Variants in OSBPL6 observed in about 807,000 individuals in gnomAD.
OSBPL6 encodes oxysterol-binding protein-related protein 6.
Under a neutral mutation model 125.8 loss-of-function variants are expected in OSBPL6, and 49 were observed. The observed-to-expected ratio is 0.39, with a 90% confidence interval of 0.31 to 0.49. The LOEUF is 0.49. OSBPL6 is among the 20% of genes least tolerant of loss of function. The pLI, the probability that OSBPL6 is intolerant of heterozygous loss-of-function variation, is 0.88. For synonymous variants in OSBPL6, 394 were observed against 391.8 expected, an observed-to-expected ratio of 1.01 and a Z score of -0.07; for missense variants, 986 against 1,135.4, an observed-to-expected ratio of 0.87 and a Z score of 1.89.
chr2:178,370,357 A>G (rs1427273694), intron 13 of OSBPL6, among the ~76,000 whole-genome samples: 1 of 152,224 alleles, frequency 6.6e-6, no homozygotes, highest in Admixed American at 6.5e-5. Flanking sequence ...ACCAAAGCAT[A>G]TCTGGTTCCA....
rs148151326 is a variant in OSBPL6, at chr2:178,356,750, T to C, written c.1154-4932T>C. ...TTGGAAAAAGCTACTTTAAAGTTCATGTGGAAACAAAAAAGAGCCTACATT... is the reference window on the plus strand; with the variant it reads ...TTGGAAAAAGCTACTTTAAAGTTCACGTGGAAACAAAAAAGAGCCTACATT... On this transcript the variant is annotated intron_variant, in intron 12 of 24. Transcript: ENST00000190611. 5.9e-3 allele frequency among the ~76,000 whole-genome samples: 905 copies of C among 152,296 alleles called. 9 individuals are homozygous for C. The highest frequency in any genetic ancestry group is 0.021 in the African/African-American group (853 of 41,552).
At chr2:178,338,641 A>G (rs1297561178) in intron 9 of OSBPL6, among the ~76,000 whole-genome samples, 2 of 152,242 alleles carry the variant, frequency 1.3e-5, no homozygotes, top group Non-Finnish European at 2.9e-5. Context: ...AGGAGCAGGT[A>G]GACAAGCTCC....
chr2:178,311,835 G>C (rs1042326715), intron 3 of OSBPL6, among the ~76,000 whole-genome samples: 1 of 152,174 alleles, frequency 6.6e-6, no homozygotes, highest in African/African-American at 2.4e-5. Flanking sequence ...GAGAGTGGAC[G>C]TGTGATGGAA....
At chr2:178,241,571 A>G (rs2091295048) in intron 1 of OSBPL6, among the ~76,000 whole-genome samples, 2 of 151,530 alleles carry the variant, frequency 1.3e-5, no homozygotes, top group Admixed American at 1.3e-4. Context: ...TCGCACTACT[A>G]TGCCTGGCTA....
At chr2:178,267,368 A>C (rs2886589) in intron 1 of OSBPL6, among the ~76,000 whole-genome samples, 16,441 of 150,060 alleles carry the variant, frequency 0.11, 1,092 homozygotes, top group Non-Finnish European at 0.15. Flanking sequence ...AAAAAAAAAA[A>C]AAAAAAACAA....
chr2:178,390,691 A>G (rs1695330739), intron 21 of OSBPL6, among the ~76,000 whole-genome samples: 1 of 152,210 alleles, frequency 6.6e-6, no homozygotes, highest in South Asian at 2.1e-4. Context: ...CCATTTATAG[A>G]TACTATGAAA....
chr2:178,379,395 C>T (rs1694247365), intron 15 of OSBPL6, among the ~76,000 whole-genome samples: 1 of 112,856 alleles, frequency 8.9e-6, no homozygotes, highest in Non-Finnish European at 1.7e-5. Context: ...AGAAAGGAGG[C>T]AGGGAGGGAG....
intron 3 of OSBPL6, among the ~76,000 whole-genome samples, chr2:178,309,865 T>TC: frequency 6.6e-6 from 1 of 152,288 alleles, no homozygotes; most frequent in South Asian, 2.1e-4. Flanking sequence ...AAACCAGCAT[T>TC]CCCCAAAGTG....
intron 2 of OSBPL6, among the ~76,000 whole-genome samples, chr2:178,294,398 T>G (rs1418770730): frequency 6.6e-6 from 1 of 152,186 alleles, no homozygotes; most frequent in South Asian, 2.1e-4. Flanking sequence ...GTCATCATCA[T>G]TACCAAATAA....
chr2:178,395,194 A>G (rs867093484), intron 24 of OSBPL6, among the ~76,000 whole-genome samples: 4 of 151,794 alleles, frequency 2.6e-5, no homozygotes, highest in South Asian at 4.2e-4. Flanking sequence ...TTTACTTTTT[A>G]CCCCTGCCAG....
intron 1 of OSBPL6, among the ~76,000 whole-genome samples, chr2:178,252,064 A>T (rs1348697634): frequency 3.9e-5 from 6 of 152,210 alleles, no homozygotes; most frequent in Admixed American, 3.9e-4. Context: ...GCACGGGCTG[A>T]GTAGTAGATT....
At chr2:178,347,368 C>T (rs1277647783) in intron 11 of OSBPL6, among the ~76,000 whole-genome samples, 2 of 151,966 alleles carry the variant, frequency 1.3e-5, no homozygotes, top group Non-Finnish European at 2.9e-5. Context: ...TGTTCTAGTT[C>T]CTTATATCAG....
intron 11 of OSBPL6, among the ~76,000 whole-genome samples, chr2:178,346,061 G>C (rs1334797193): frequency 1.3e-5 from 2 of 151,752 alleles, no homozygotes; most frequent in African/African-American, 2.4e-5. Flanking sequence ...TAACTAGGGG[G>C]ACTGGCTACT....
intron 17 of OSBPL6, 40 bp downstream of exon 17, chr2:178,383,317 G>A: frequency 6.3e-7 from 1 of 1,599,418 alleles, no homozygotes. Flanking sequence ...TCAGGGATTT[G>A]CCAACCCTAG....
At chr2:178,298,014 C>A (rs998463063) in intron 2 of OSBPL6, among the ~76,000 whole-genome samples, 7 of 152,220 alleles carry the variant, frequency 4.6e-5, no homozygotes, top group African/African-American at 1.7e-4. Context: ...CACAACTCTT[C>A]CCATTTCCTC....
intron 19 of OSBPL6, among the ~76,000 whole-genome samples, chr2:178,386,712 TACACACACACAGAC>T (rs969378439): frequency 1.5e-5 from 2 of 136,118 alleles, no homozygotes; most frequent in Admixed American, 1.5e-4. Context: ...AAAATGTGAA[TACACACACACAGAC>T]ACACACACAC....
intron 1 of OSBPL6, among the ~76,000 whole-genome samples, chr2:178,206,571 G>C (rs949758899): frequency 4.6e-5 from 7 of 152,116 alleles, no homozygotes; most frequent in African/African-American, 1.7e-4. Context: ...GCTTTAGTAA[G>C]CTCTTTACCA....
At chr2:178,307,591 C>T (rs1209332476) in intron 3 of OSBPL6, among the ~76,000 whole-genome samples, 1 of 144,894 alleles carries the variant, frequency 6.9e-6, no homozygotes, top group Non-Finnish European at 1.5e-5. Context: ...AGTAAGAGTA[C>T]CAGGAATGGA....
chr2:178,215,430 A>G (rs1466968847), intron 1 of OSBPL6, among the ~76,000 whole-genome samples: 2 of 152,196 alleles, frequency 1.3e-5, no homozygotes, highest in Non-Finnish European at 2.9e-5. Context: ...TACTGAGCTC[A>G]GGGCAGGGCA....
Sources: allele counts gnomAD v4.1 joint callset (sites outside exome capture counted in the v4.1 genomes callset), GRCh38; gene constraint gnomAD v4.1.1; transcripts MANE v1.5; gene names NCBI Gene and HGNC (gene_info 2026-07-23, HGNC 2026-07-21).